Variants in ZP4 observed in about 807,000 individuals in gnomAD.
ZP4 encodes the protein zona pellucida sperm-binding protein 4.
A neutral mutation model predicts 62.3 loss-of-function variants in ZP4; 62 were observed. The ratio of observed to expected loss-of-function variants is 0.99; its 90% CI spans 0.81 to 1.23. The LOEUF (loss-of-function observed/expected upper bound fraction) is 1.23. Among genes scored for constraint, ZP4 ranks in the 50% most tolerant of loss-of-function variants. ZP4 has a pLI of 0.00. For missense variants in ZP4, 774 were observed against 656.0 expected, an observed-to-expected ratio of 1.18 and a Z score of -1.97; for synonymous variants, 289 against 247.3, an observed-to-expected ratio of 1.17 and a Z score of -1.58.
intron 9 of ZP4, 115 bp downstream of exon 9, chr1:237,885,050 T>TA: frequency 6.9e-7 from 1 of 1,448,888 alleles, no homozygotes; most frequent in Non-Finnish European, 9.4e-7. Flanking sequence ...TCTGAGTCAG[T>TA]ACCAATAGCC....
At chr1:237,886,962 TG>T in intron 5 of ZP4, 94 bp from the exon 6 acceptor site, 1 of 1,062,502 alleles carries the variant, frequency 9.4e-7, no homozygotes, top group South Asian at 1.4e-5. Context: ...GCTACCCTGT[TG>T]TATGGTATAT....
intron 10 of ZP4, 111 bp downstream of exon 10, chr1:237,884,658 G>A: frequency 1.0e-6 from 1 of 971,370 alleles, no homozygotes; most frequent in Non-Finnish European, 1.6e-6. Flanking sequence ...ACTTAGAGAA[G>A]CCTTAGTAAG....
intron 4 of ZP4, among the ~76,000 whole-genome samples, chr1:237,887,888 T>TA (rs3835532): frequency 0.49 from 73,906 of 152,052 alleles, 21,324 homozygotes; most frequent in African/African-American, 0.8. Context: ...GCGTGTGCGA[T>TA]TATTAGGTTG....
At chr1:237,887,783 G>T (rs1003389708) in intron 4 of ZP4, among the ~76,000 whole-genome samples, 1 of 152,210 alleles carries the variant, frequency 6.6e-6, no homozygotes, top group African/African-American at 2.4e-5. Flanking sequence ...CCTCAGGCAA[G>T]TATTGCACCT....
Position 237,890,829 on chromosome 1 carries a change from G to A in ZP4, c.-194C>T, listed in dbSNP as rs1665226769. 3.7e-6 allele frequency: 2 copies of A among 535,908 alleles called. No homozygotes were observed. Among genetic ancestry groups the A allele is most frequent in the Non-Finnish European group, 3.2e-6 (1 of 309,606 alleles). 33.2% of individuals were successfully genotyped at this position (535,908 alleles called of 1,614,324 possible). A position where few individuals can be genotyped will look rare whatever the true frequency, so the allele number is the denominator to read the frequency against. On this transcript the variant is annotated 5_prime_UTR_variant, in exon 1 of 12. Coordinates refer to ENST00000366570, the MANE Select transcript of ZP4 (RefSeq NM_021186.5). ...CATTTGCTTTGGGGCACAGTCTGCAGCTGCCTCACATTAAATACCACAATC... is the reference window on the plus strand; with the variant it reads ...CATTTGCTTTGGGGCACAGTCTGCAACTGCCTCACATTAAATACCACAATC...
chr1:237,883,557 A>G (rs1271832783), intron 10 of ZP4, among the ~76,000 whole-genome samples: 1 of 148,458 alleles, frequency 6.7e-6, no homozygotes, highest in Non-Finnish European at 1.5e-5. Flanking sequence ...TCTACCAAAA[A>G]TACAAAATGA....
intron 5 of ZP4, 83 bp downstream of exon 5, chr1:237,887,291 C>T: frequency 6.7e-7 from 1 of 1,497,660 alleles, no homozygotes; most frequent in Non-Finnish European, 9.1e-7. Flanking sequence ...CGTTCACGGC[C>T]AACATATTTC....
In ZP4 at chr1:237,888,436, T is replaced by C. The variant is rs1665159859; in HGVS notation, c.475A>G (p.Ile159Val). 6.2e-7 allele frequency: 1 copy of C among 1,612,188 alleles called. No homozygotes were observed. The highest frequency in any genetic ancestry group is 1.1e-5 in the South Asian group (1 of 90,666). Residue 159 changes from isoleucine to valine, a missense_variant, in exon 4 of 12, where the codon ATC becomes GTC. Physicochemically the swap from Ile to Val is conservative, Grantham distance 29. Transcript: ENST00000366570. ...AGCCCTTCACAGTCTCCTCGAGAGA[T>C]GGGTGAAGGTGCACATGGCAGTCTG... ...RDRLPCAPSP[I>V]SRGDCEGLGC...
intron 5 of ZP4, 128 bp from the exon 6 acceptor site, chr1:237,886,996 A>G (rs1048549585): frequency 2.5e-6 from 2 of 792,806 alleles, no homozygotes; most frequent in Non-Finnish European, 4.1e-6. Context: ...CAGCAGAGGT[A>G]AGAACACATA....
At chr1:237,890,367 G>A (rs1665211795) in intron 1 of ZP4, 94 bp downstream of exon 1, 2 of 1,507,496 alleles carry the variant, frequency 1.3e-6, no homozygotes, top group South Asian at 2.5e-5. Context: ...GGCTCAGAAG[G>A]TGAAAGTATC....
intron 10 of ZP4, among the ~76,000 whole-genome samples, chr1:237,884,067 C>CACACAAACACACACAA (rs1553350913): frequency 9.1e-5 from 12 of 131,692 alleles, no homozygotes; most frequent in Middle Eastern, 3.7e-3. Context: ...CACACAAACA[C>CACACAAACACACACAA]ACACAAACAC....
chr1:237,887,332 C>A, intron 5 of ZP4, 42 bp downstream of exon 5: 1 of 1,601,598 alleles, frequency 6.2e-7, no homozygotes, highest in Non-Finnish European at 8.5e-7. Flanking sequence ...TACAACCTTC[C>A]CACCCAACTT....
chr1:237,886,897 C>G, intron 5 of ZP4, 29 bp from the exon 6 acceptor site: 2 of 1,590,690 alleles, frequency 1.3e-6, no homozygotes, highest in South Asian at 2.2e-5. Flanking sequence ...AAGTCTTGAT[C>G]ATTTCTGTTA....
intron 8 of ZP4, 25 bp downstream of exon 8, chr1:237,885,366 A>G: frequency 3.1e-6 from 5 of 1,611,446 alleles, no homozygotes; most frequent in Non-Finnish European, 4.2e-6. Context: ...GAATTTCAGC[A>G]CAGGTGTATG....
intron 6 of ZP4, 138 bp from the exon 7 acceptor site, chr1:237,886,024 G>T (rs983618841): frequency 8.3e-7 from 1 of 1,209,242 alleles, no homozygotes; most frequent in Non-Finnish European, 1.1e-6. Context: ...GCCCTGCTGG[G>T]AGCTGTATTT....
Position 237,887,465 on chromosome 1 carries a change from AG to A in ZP4, c.649del (p.Arg218GlyfsTer9), listed in dbSNP as rs752925960. On this transcript the variant is annotated frameshift_variant, in exon 5 of 12. Transcript: ENST00000366570. LOFTEE classifies it high-confidence loss of function. ...AGGGTTACACGCACTGTCATTCCTA[AG>A]GGCCAAGCGCACAGAATCCAAGAGC... ...PLLLDSVRLA[L>X]RNDSACNPVM... is the part of the protein sequence containing the mutation. 1 of 1,614,220 alleles carries A rather than the reference AG, an allele frequency of 6.2e-7. No individual in the cohort carries two copies. The highest frequency in any genetic ancestry group is 1.1e-5 in the South Asian group (1 of 91,090).
Position 237,885,399 on chromosome 1 carries a change from C to A in ZP4, c.1152G>T (p.Leu384=). 6.2e-7 allele frequency: 1 copy of A among 1,610,856 alleles called. No homozygotes were observed. The highest frequency in any genetic ancestry group is 1.1e-5 in the South Asian group (1 of 90,674). The change falls in exon 8 of 12, where the codon CTG becomes CTT. Residue 384 remains leucine, a synonymous_variant. Transcript: ENST00000366570. ...DPLSQPQWPI[L]VKGCPYIGDN... ...ATGAAAGAACCACTTACCCCTTTAC[C>A]AGGATGGGCCACTGTGGCTGACTCA...
rs1200982032 is a variant in ZP4 at position 237,885,319 on chromosome 1, G to A, written c.1161-4C>T. 2.0e-5 allele frequency: 32 copies of A among 1,613,616 alleles called. No homozygotes were observed. Among genetic ancestry groups the A allele is most frequent in the Non-Finnish European group, 2.5e-5 (29 of 1,179,832 alleles). ...GTTGTCTCCAATGTAGGGGCAGCTA[G>A]ACCAAGAGACCCAGCAGTCAGGATG... is the stretch of plus-strand genomic sequence containing the variant. On this transcript the variant is annotated splice_polypyrimidine_tract_variant and splice_region_variant and intron_variant, in intron 8 of 11. Transcript: ENST00000366570.
Position 237,885,972 on chromosome 1 carries a change from T to C in ZP4, c.840-86A>G, listed in dbSNP as rs573143490. The C allele has an allele frequency of 1.9e-6, 3 of 1,562,186 alleles. No individual in the cohort carries two copies. The Admixed American group carries it at 5.2e-5, about 27-fold the overall frequency. On this transcript the variant is annotated intron_variant, in intron 6 of 11. Transcript: ENST00000366570. ...TTTCTTTTTAACTCAAGGAAAGCAT[T>C]AAGTGCTAGACAAGTTTATAAGTGT...
Sources: allele counts gnomAD v4.1 joint callset (sites outside exome capture counted in the v4.1 genomes callset), GRCh38; gene constraint gnomAD v4.1.1; transcripts MANE v1.5; gene names NCBI Gene and HGNC (gene_info 2026-07-23, HGNC 2026-07-21).